Variants in TOX observed in about 807,000 individuals in gnomAD.
TOX encodes the protein thymocyte selection-associated high mobility group box protein TOX.
Under a neutral mutation model 53.7 loss-of-function variants are expected in TOX, and 11 were observed. The observed-to-expected ratio is 0.20, with a 90% CI of 0.13 to 0.34. The LOEUF is 0.34. Among genes scored for constraint, TOX ranks in the 10% least tolerant of loss-of-function variants. The probability of loss-of-function intolerance (pLI) is 1.00; values close to 1 mark genes in which losing one functional copy is unlikely to be tolerated. For missense variants in TOX, 570 were observed against 664.6 expected (o/e 0.86, Z 1.56); for synonymous variants, 225 against 245.3 (o/e 0.92, Z 0.77).
chr8:59,043,379 T>G (rs1803628408), intron 1 of TOX, among the ~76,000 whole-genome samples: 1 of 151,330 alleles, frequency 6.6e-6, no homozygotes, highest in African/African-American at 2.4e-5. Context: ...TATTATTTAT[T>G]TTTAAGTATT....
intron 3 of TOX, among the ~76,000 whole-genome samples, chr8:58,922,322 T>C (rs1335216697): frequency 1.3e-5 from 2 of 152,192 alleles, no homozygotes; most frequent in Admixed American, 6.5e-5. Context: ...ATTTTAATCA[T>C]GATAAGTTAG....
At chr8:59,037,454 G>A (rs1803489756) in intron 1 of TOX, among the ~76,000 whole-genome samples, 3 of 151,994 alleles carry the variant, frequency 2.0e-5, no homozygotes, top group Admixed American at 2.0e-4. Context: ...TCGCAATTCT[G>A]TACTTAAAAC....
Position 59,119,141 on chromosome 8 carries a change from A to G in TOX, c.-154T>C, listed in dbSNP as rs1465068205. On this transcript the variant is annotated 5_prime_UTR_variant, in exon 1 of 9. Transcript: ENST00000361421. The stretch of plus-strand genomic sequence containing the variant: ...ACATCCGTTTGTGGTTTGTTTAAGA[A>G]GAAGAGGAAAAAAAAAAAAAAGAGG... The G allele has an allele frequency of 1.1e-5, 5 of 472,016 alleles. No homozygotes were observed. Among genetic ancestry groups the G allele is most frequent in the Non-Finnish European group, 1.8e-5 (5 of 274,504 alleles). The allele number at this position is 472,016 out of a possible 1,614,324, so 29.2% of individuals were successfully genotyped here.
chr8:58,937,997 A>G (rs1161578066), intron 3 of TOX, among the ~76,000 whole-genome samples: 1 of 152,222 alleles, frequency 6.6e-6, no homozygotes, highest in Non-Finnish European at 1.5e-5. Context: ...AGTCATACTT[A>G]ATACTCATAA....
intron 3 of TOX, among the ~76,000 whole-genome samples, chr8:58,877,041 T>C (rs1811297705): frequency 1.3e-5 from 2 of 152,216 alleles, no homozygotes; most frequent in Admixed American, 1.3e-4. Context: ...TCACAAAGGC[T>C]GCTAAAATAT....
intron 3 of TOX, among the ~76,000 whole-genome samples, chr8:58,888,396 G>T (rs1811506645): frequency 6.6e-6 from 1 of 151,866 alleles, no homozygotes; most frequent in Non-Finnish European, 1.5e-5. Flanking sequence ...ACTACTGAAG[G>T]TCACAAAAGA....
chr8:58,968,826 A>C (rs550776424), intron 1 of TOX, among the ~76,000 whole-genome samples: 2 of 152,324 alleles, frequency 1.3e-5, no homozygotes, highest in Admixed American at 1.3e-4. Flanking sequence ...AAGTCAAGGC[A>C]CTGGAAAGGT....
intron 2 of TOX, among the ~76,000 whole-genome samples, chr8:58,959,092 T>G (rs1048584012): frequency 6.6e-6 from 1 of 152,188 alleles, no homozygotes; most frequent in African/African-American, 2.4e-5. Flanking sequence ...TCTACCATGG[T>G]TTTTACCATT....
chr8:58,908,853 T>C (rs563404431), intron 3 of TOX, among the ~76,000 whole-genome samples: 1 of 152,366 alleles, frequency 6.6e-6, no homozygotes, highest in South Asian at 2.1e-4. Context: ...TTGAGTCTAA[T>C]GCAGCCTGCT....
intron 3 of TOX, among the ~76,000 whole-genome samples, chr8:58,864,428 A>G (rs951035291): frequency 4.6e-5 from 7 of 152,206 alleles, no homozygotes; most frequent in African/African-American, 1.7e-4. Context: ...ATACACTACC[A>G]TTTGATACTA....
intron 3 of TOX, among the ~76,000 whole-genome samples, chr8:58,881,208 G>A (rs1449527102): frequency 6.6e-6 from 1 of 152,060 alleles, no homozygotes; most frequent in African/African-American, 2.4e-5. Context: ...TGAGGACACT[G>A]CAAATCTGAT....
chr8:58,851,538 C>A lies in TOX; in HGVS notation c.679G>T (p.Asp227Tyr). The part of the protein sequence containing the change: ...PSSSVHEDEG[D>Y]DTSKINGGEK... ...CTTATTCATACCTTAGAGGTATCAT[C>A]GCCTTCATCTTCATGCACTGAACTG... The change falls in exon 4 of 9, where the codon GAT becomes TAT. Residue 227 changes from aspartate (D) to tyrosine (Y), a missense_variant. By Grantham distance (160) the Asp-to-Tyr change is radical. Coordinates refer to ENST00000361421, the MANE Select transcript of TOX (RefSeq NM_014729.3). The surrounding 1 kb of genome is among the most constrained non-coding windows in gnomAD (Gnocchi z 4.4). 1 of 1,612,874 alleles carries A rather than the reference C, an allele frequency of 6.2e-7. No homozygotes were observed. The highest frequency in any genetic ancestry group is 8.5e-7 in the Non-Finnish European group (1 of 1,179,600).
intron 4 of TOX, among the ~76,000 whole-genome samples, chr8:58,847,257 A>G (rs1294720527): frequency 1.3e-5 from 2 of 152,150 alleles, no homozygotes; most frequent in Non-Finnish European, 2.9e-5. Flanking sequence ...CATGTATTGA[A>G]ATTAGCAAAA....
chr8:59,085,810 T>C (rs1038292542), intron 1 of TOX, among the ~76,000 whole-genome samples: 1 of 152,142 alleles, frequency 6.6e-6, no homozygotes, highest in African/African-American at 2.4e-5. Flanking sequence ...TTTATTATTA[T>C]TGTCCAAAGG....
intron 1 of TOX, among the ~76,000 whole-genome samples, chr8:59,063,668 C>T (rs556385190): frequency 3.0e-4 from 45 of 152,126 alleles, no homozygotes; most frequent in Admixed American, 9.2e-4. Context: ...GTGATCCACC[C>T]GCCTCGGCCT....
intron 3 of TOX, among the ~76,000 whole-genome samples, chr8:58,923,879 C>T (rs1585903348): frequency 6.6e-6 from 1 of 152,202 alleles, no homozygotes; most frequent in East Asian, 1.9e-4. Context: ...GAATGATACA[C>T]TACTACATAG....
intron 3 of TOX, among the ~76,000 whole-genome samples, chr8:58,852,354 A>G (rs1015130366): frequency 3.9e-5 from 6 of 152,198 alleles, no homozygotes; most frequent in Admixed American, 3.9e-4. Context: ...TGATCTCCTA[A>G]CTACCAGACT....
intron 1 of TOX, among the ~76,000 whole-genome samples, chr8:59,074,390 A>G (rs573620021): frequency 2.6e-5 from 4 of 152,344 alleles, no homozygotes; most frequent in South Asian, 4.1e-4. Flanking sequence ...ACCATTCAAT[A>G]CAGGTTCATT....
chr8:59,075,912 G>A (rs1043295616), intron 1 of TOX, among the ~76,000 whole-genome samples: 2 of 152,056 alleles, frequency 1.3e-5, no homozygotes, highest in Non-Finnish European at 2.9e-5. Flanking sequence ...GGCTGAGGCA[G>A]GGGAATCGCT....
Sources: allele counts gnomAD v4.1 joint callset (sites outside exome capture counted in the v4.1 genomes callset), GRCh38; gene constraint gnomAD v4.1.1; non-coding constraint Gnocchi (gnomAD v3.1); transcripts MANE v1.5; gene names NCBI Gene and HGNC (gene_info 2026-07-23, HGNC 2026-07-21).